The following SOX5 variants were observed in gnomAD, a reference collection of about 807,000 sequenced individuals.
SOX5 encodes transcription factor SOX-5.
A neutral mutation model predicts 92.0 loss-of-function variants in SOX5; 9 were observed. The observed-to-expected ratio is 0.10, with a 90% CI of 0.06 to 0.17. The LOEUF is 0.17. SOX5 is among the 10% of genes least tolerant of loss of function. SOX5 has a pLI of 1.00. For synonymous variants in SOX5, 344 were observed against 336.3 expected, an observed-to-expected ratio of 1.02 and a Z score of -0.25; for missense variants, 642 against 944.5, an observed-to-expected ratio of 0.68 and a Z score of 4.20.
At chr12:23,988,678 T>C (rs952623945) in intron 4 of SOX5, among the ~76,000 whole-genome samples, 3 of 152,122 alleles carry the variant, frequency 2.0e-5, no homozygotes, top group Non-Finnish European at 2.9e-5. Context: ...CCAAAGTGAA[T>C]GTAGTAGAAG....
chr12:24,217,947 G>T (rs773066186), intron 3 of SOX5, among the ~76,000 whole-genome samples: 14 of 152,164 alleles, frequency 9.2e-5, no homozygotes, highest in Non-Finnish European at 1.8e-4. Context: ...TATCCACTAG[G>T]ATGGCTATAA....
chr12:24,056,244 C>G (rs77890142), intron 4 of SOX5, among the ~76,000 whole-genome samples: 1 of 149,894 alleles, frequency 6.7e-6, no homozygotes, highest in Admixed American at 6.6e-5. Flanking sequence ...AGTCCAAGAC[C>G]GAGAGACCCA....
At chr12:24,352,066 T>C (rs1376219912) in intron 2 of SOX5, among the ~76,000 whole-genome samples, 1 of 152,178 alleles carries the variant, frequency 6.6e-6, no homozygotes, top group Non-Finnish European at 1.5e-5. Flanking sequence ...AGCAAAGAAG[T>C]CCCACATTGT....
chr12:24,408,058 C>T (rs1055664712), intron 1 of SOX5, among the ~76,000 whole-genome samples: 2 of 152,130 alleles, frequency 1.3e-5, no homozygotes, highest in South Asian at 4.2e-4. Flanking sequence ...AATGAGCAGG[C>T]CAGAGAAAGG....
Position 23,895,617 on chromosome 12 carries a change from G to A in SOX5, c.270+176C>T, listed in dbSNP as rs138619878. Among the ~76,000 whole-genome samples, 397 of 152,220 alleles carry A rather than the reference G, an allele frequency of 2.6e-3. 4 individuals carry two copies. Among genetic ancestry groups the A allele is most frequent in the African/African-American group, 9.0e-3 (375 of 41,532 alleles). On this transcript the variant is annotated intron_variant, in intron 2 of 14. Coordinates refer to ENST00000451604, the MANE Select transcript of SOX5 (RefSeq NM_006940.6). ...AAAATACAAAAGAAACGAAAACAGCGTATCTTATGCTGCTTATTGGAACAA... is the reference window on the plus strand; with the variant it reads ...AAAATACAAAAGAAACGAAAACAGCATATCTTATGCTGCTTATTGGAACAA...
intron 1 of SOX5, among the ~76,000 whole-genome samples, chr12:23,912,835 G>T (rs2097366496): frequency 6.6e-6 from 1 of 152,118 alleles, no homozygotes; most frequent in Admixed American, 6.5e-5. Flanking sequence ...TAGGGTATGG[G>T]GGTGGGGAGG....
intron 4 of SOX5, among the ~76,000 whole-genome samples, chr12:24,047,284 G>A (rs7305474): frequency 0.16 from 24,969 of 152,188 alleles, 2,231 homozygotes; most frequent in Non-Finnish European, 0.2. Flanking sequence ...TCTTTTAACA[G>A]ATAGTCATGT....
intron 6 of SOX5, among the ~76,000 whole-genome samples, chr12:23,727,731 G>T (rs1043009859): frequency 1.3e-5 from 2 of 152,100 alleles, no homozygotes; most frequent in African/African-American, 4.8e-5. Context: ...TGATAAGTCA[G>T]AAATAGCACT....
At chr12:24,184,071 TAG>T (rs1227921669) in intron 4 of SOX5, among the ~76,000 whole-genome samples, 1 of 152,172 alleles carries the variant, frequency 6.6e-6, no homozygotes, top group Non-Finnish European at 1.5e-5. Context: ...GCAAATACCT[TAG>T]ATTTGATTCT....
chr12:23,598,858 A>T (rs1952948682), intron 9 of SOX5, among the ~76,000 whole-genome samples: 1 of 152,124 alleles, frequency 6.6e-6, no homozygotes, highest in Non-Finnish European at 1.5e-5. Flanking sequence ...CATTGTCTCA[A>T]ATTACCAAAA....
At chr12:24,501,561 C>T (rs1019810130) in intron 1 of SOX5, among the ~76,000 whole-genome samples, 2 of 152,136 alleles carry the variant, frequency 1.3e-5, no homozygotes, top group African/African-American at 4.8e-5. Flanking sequence ...TGCAGTGGCT[C>T]ACACCTGTGA....
At chr12:24,152,594 A>G (rs907110800) in intron 4 of SOX5, among the ~76,000 whole-genome samples, 10 of 152,194 alleles carry the variant, frequency 6.6e-5, no homozygotes, top group Non-Finnish European at 1.5e-4. Context: ...TTCAGAAAAA[A>G]AGCTATACAT....
rs529679265 is a variant in SOX5, at chr12:24,460,434, T to G, written c.-250-91795A>C. Reference sequence around the variant, plus strand: ...AACAAAAAGGACTTCAGCCAGCAAGTAAGCAGAACAGCACACTTAATCTGA... The same window carrying G: ...AACAAAAAGGACTTCAGCCAGCAAGGAAGCAGAACAGCACACTTAATCTGA... On this transcript the variant is annotated intron_variant, in intron 1 of 4. Transcript: ENST00000446891. Among the ~76,000 whole-genome samples, 14 of 152,340 alleles carry G rather than the reference T, an allele frequency of 9.2e-5. No individual in the cohort carries two copies. In the East Asian group the frequency reaches 2.7e-3, roughly 29 times the overall value.
At chr12:23,725,148 G>C (rs1357009086) in intron 6 of SOX5, among the ~76,000 whole-genome samples, 1 of 152,202 alleles carries the variant, frequency 6.6e-6, no homozygotes, top group African/African-American at 2.4e-5. Context: ...GAAAGAATGA[G>C]TTTGGGGAAG....
At chr12:23,553,348 C>T (rs188059515) in intron 11 of SOX5, among the ~76,000 whole-genome samples, 18 of 152,060 alleles carry the variant, frequency 1.2e-4, no homozygotes, top group Middle Eastern at 3.4e-3. Flanking sequence ...AAATAGAAAA[C>T]CGCTGCCACA....
chr12:23,953,590 TTA>T (rs983064707), upstream of SOX5, among the ~76,000 whole-genome samples: 3 of 152,016 alleles, frequency 2.0e-5, no homozygotes, highest in East Asian at 5.8e-4. Context: ...ACAATTCTAA[TTA>T]TATATATGTA....
chr12:23,576,897 G>A (rs1949204914), intron 9 of SOX5, among the ~76,000 whole-genome samples: 1 of 151,270 alleles, frequency 6.6e-6, no homozygotes, highest in Non-Finnish European at 1.5e-5. Context: ...TAATATTATT[G>A]TAGAATAAAA....
At chr12:23,932,542 C>T (rs1941673081) in intron 1 of SOX5, among the ~76,000 whole-genome samples, 1 of 151,418 alleles carries the variant, frequency 6.6e-6, no homozygotes, top group African/African-American at 2.4e-5. Context: ...GGTATGTTAG[C>T]CTTAACTTAC....
At chr12:23,809,847 A>C (rs1329129156) in intron 3 of SOX5, among the ~76,000 whole-genome samples, 1 of 150,542 alleles carries the variant, frequency 6.6e-6, no homozygotes, top group African/African-American at 2.4e-5. Context: ...TTCCCAATAC[A>C]TTTTCCACAA....
Sources: gnomAD v4.1 joint callset for allele counts (sites outside exome capture counted in the v4.1 genomes callset) on GRCh38, gnomAD v4.1.1 for gene constraint, MANE v1.5 for transcripts, NCBI Gene and HGNC (gene_info 2026-07-23, HGNC 2026-07-21) for gene names.